FAM13A: variants seen among roughly 807,000 people sequenced by gnomAD.
FAM13A encodes the protein family with sequence similarity 13 member A, also known as protein FAM13A.
Under a neutral mutation model 129.6 loss-of-function variants are expected in FAM13A, and 76 were observed. That is an observed-to-expected ratio of 0.59 (90% CI 0.49 to 0.71). The LOEUF is 0.71. Among genes scored for constraint, FAM13A ranks in the 30% least tolerant of loss-of-function variants. The pLI is 0.00. For missense variants in FAM13A, 1,108 were observed against 1,249.3 expected (o/e 0.89, Z 1.70); for synonymous variants, 443 against 449.9 (o/e 0.98, Z 0.20).
chr4:88,796,852 G>C (rs898441101), intron 8 of FAM13A, among the ~76,000 whole-genome samples: 1 of 151,704 alleles, frequency 6.6e-6, no homozygotes, highest in African/African-American at 2.4e-5. Context: ...TTCTGACATT[G>C]CTCTTATCTT....
At chr4:88,928,990 A>G (rs957362052) in intron 5 of FAM13A, among the ~76,000 whole-genome samples, 5 of 151,944 alleles carry the variant, frequency 3.3e-5, no homozygotes, top group African/African-American at 1.2e-4. Flanking sequence ...TCTGAGTTTC[A>G]TATTTCCAGG....
intron 6 of FAM13A, among the ~76,000 whole-genome samples, chr4:88,886,982 A>T (rs913916925): frequency 6.6e-6 from 1 of 152,224 alleles, no homozygotes; most frequent in Non-Finnish European, 1.5e-5. Context: ...GGAACAAAAT[A>T]ATGGCATTCG....
intron 6 of FAM13A, among the ~76,000 whole-genome samples, chr4:88,888,386 G>C (rs577244754): frequency 1.3e-4 from 20 of 152,292 alleles, no homozygotes; most frequent in Admixed American, 1.2e-3. Context: ...CTTCCAGTGA[G>C]AGGATTTCTC....
intron 7 of FAM13A, among the ~76,000 whole-genome samples, chr4:88,806,648 T>C (rs1290514926): frequency 1.3e-5 from 2 of 152,152 alleles, no homozygotes; most frequent in African/African-American, 2.4e-5. Context: ...GCCAAATACC[T>C]TAATGTTTAT....
intron 4 of FAM13A, among the ~76,000 whole-genome samples, chr4:88,946,636 T>A (rs2148855529): frequency 6.6e-6 from 1 of 152,254 alleles, no homozygotes; most frequent in African/African-American, 2.4e-5. Context: ...GAGATTCAGT[T>A]ACAAAACATT....
At chr4:88,875,029 A>T (rs1413474775) in intron 6 of FAM13A, among the ~76,000 whole-genome samples, 1 of 152,232 alleles carries the variant, frequency 6.6e-6, no homozygotes, top group Non-Finnish European at 1.5e-5. Flanking sequence ...TGACAAAAAC[A>T]AGAAATGGGG....
intron 6 of FAM13A, among the ~76,000 whole-genome samples, chr4:88,876,218 A>C (rs892918808): frequency 1.1e-4 from 17 of 152,080 alleles, no homozygotes; most frequent in Non-Finnish European, 1.9e-4. Context: ...TGCAGCACAC[A>C]AACATGGCAC....
intron 19 of FAM13A, among the ~76,000 whole-genome samples, chr4:88,740,922 A>AC (rs760947705): frequency 1.8e-4 from 27 of 152,350 alleles, no homozygotes; most frequent in Non-Finnish European, 3.8e-4. Flanking sequence ...GACTGTCAAA[A>AC]CTAGAAGGGA....
In FAM13A at chr4:88,991,021, C is replaced by T. The variant is rs80274904; in HGVS notation, c.557G>A (p.Arg186His). The change falls in exon 4 of 24, where the codon CGC (arginine) becomes CAC (histidine). Residue 186 changes from arginine to histidine, a missense_variant. Physicochemically the swap from Arg to His is conservative, Grantham distance 29. Transcript: ENST00000264344. ...TKVAKHHVQNRMNVHNLATVF... is the reference protein window; with the variant it reads ...TKVAKHHVQNHMNVHNLATVF... Reference sequence around the variant, plus strand: ...AGTGGCGAGATTGTGAACATTCATGCGATTCTGCACATGATGCTTGGCTAC... The same window carrying T: ...AGTGGCGAGATTGTGAACATTCATGTGATTCTGCACATGATGCTTGGCTAC... 5.6e-4 allele frequency: 899 copies of T among 1,614,022 alleles called. 5 individuals are homozygous for T. In the African/African-American group the frequency reaches 0.011, roughly 19 times the overall value.
At chr4:88,881,815 C>T (rs912241031) in intron 6 of FAM13A, among the ~76,000 whole-genome samples, 15 of 152,014 alleles carry the variant, frequency 9.9e-5, no homozygotes, top group African/African-American at 3.6e-4. Flanking sequence ...GAAGGACACA[C>T]TTAGAGAAAT....
chr4:88,920,232 G>A (rs560315437), intron 5 of FAM13A, among the ~76,000 whole-genome samples: 5 of 152,258 alleles, frequency 3.3e-5, no homozygotes, highest in East Asian at 1.9e-4. Flanking sequence ...ATCTGAGAAC[G>A]GGCAGACTGC....
chr4:88,796,683 C>G (rs1044593289), intron 8 of FAM13A, among the ~76,000 whole-genome samples: 1 of 149,056 alleles, frequency 6.7e-6, no homozygotes, highest in African/African-American at 2.5e-5. Context: ...TTAGGTATGA[C>G]TCTTTTGCAA....
At chr4:88,806,821 G>A (rs1171599939) in intron 7 of FAM13A, among the ~76,000 whole-genome samples, 1 of 152,116 alleles carries the variant, frequency 6.6e-6, no homozygotes, top group Non-Finnish European at 1.5e-5. Flanking sequence ...CTGAAACAGC[G>A]CTATTATAGG....
At chr4:88,878,183 G>T (rs1457619352) in intron 6 of FAM13A, among the ~76,000 whole-genome samples, 2 of 150,298 alleles carry the variant, frequency 1.3e-5, no homozygotes, top group Non-Finnish European at 3.0e-5. Flanking sequence ...CCAGCTACAG[G>T]AGGCTGAGGC....
Position 88,851,025 on chromosome 4 carries a change from T to C in FAM13A, c.1002A>G (p.Val334=), listed in dbSNP as rs957618042. 1 of 1,613,420 alleles carries C rather than the reference T, an allele frequency of 6.2e-7. No homozygotes were observed. Among genetic ancestry groups the C allele is most frequent in the Non-Finnish European group, 8.5e-7 (1 of 1,179,626 alleles). Residue 334 remains valine (V), a synonymous_variant, in exon 7 of 24, where the codon GTA becomes GTG. Transcript: ENST00000264344. ...GATAAAGAAAACATGCCAACCTGGG[T>C]ACCAACTTGGCACTAATAGCACCCT... ...SAEGAISAKL[V]PSSQEDERPL...
intron 17 of FAM13A, 90 bp from the exon 18 acceptor site, chr4:88,747,941 G>C: frequency 3.3e-6 from 3 of 916,090 alleles, no homozygotes; most frequent in Non-Finnish European, 5.0e-6. Flanking sequence ...CCAGGTTGGA[G>C]TGCAGTGGCA....
intron 12 of FAM13A, 25 bp from the exon 13 acceptor site, chr4:88,767,620 A>C: frequency 6.5e-7 from 1 of 1,539,418 alleles, no homozygotes. Flanking sequence ...AACAACAAAA[A>C]AATCATAAAA....
intron 4 of FAM13A, among the ~76,000 whole-genome samples, chr4:88,960,598 T>C (rs982358836): frequency 1.3e-5 from 2 of 152,170 alleles, no homozygotes; most frequent in Non-Finnish European, 2.9e-5. Flanking sequence ...AAGATGACTA[T>C]GTAAGCACTC....
chr4:88,833,313 C>T (rs1734231841), intron 7 of FAM13A, among the ~76,000 whole-genome samples: 1 of 152,052 alleles, frequency 6.6e-6, no homozygotes, highest in South Asian at 2.1e-4. Context: ...TGCAAACCAC[C>T]ATGGCATACG....
Sources: allele counts gnomAD v4.1 joint callset (sites outside exome capture counted in the v4.1 genomes callset), GRCh38; gene constraint gnomAD v4.1.1; transcripts MANE v1.5; gene names NCBI Gene and HGNC (gene_info 2026-07-23, HGNC 2026-07-21).